VPS13B: variants seen among roughly 807,000 people sequenced by gnomAD.
VPS13B encodes the protein intermembrane lipid transfer protein VPS13B.
In VPS13B, 285 loss-of-function variants were observed where a neutral mutation model predicts 426.4. The ratio of observed to expected loss-of-function variants is 0.67; its 90% CI spans 0.61 to 0.74. The LOEUF (loss-of-function observed/expected upper bound fraction) is 0.74. VPS13B is among the 30% of genes least tolerant of loss of function. The pLI is 0.00. For synonymous variants in VPS13B, 1,676 were observed against 1,676.4 expected, an observed-to-expected ratio of 1.00 and a Z score of 0.01; for missense variants, 4,537 against 4,782.6, an observed-to-expected ratio of 0.95 and a Z score of 1.51.
rs778053753 is a variant in VPS13B at position 99,147,834 on chromosome 8, A to G, written c.1844-7A>G. The G allele has an allele frequency of 2.1e-6, 3 of 1,450,534 alleles. No individual in the cohort carries two copies. The highest frequency in any genetic ancestry group is 3.3e-5 in the South Asian group (2 of 60,558). The allele number at this position is 1,450,534 out of a possible 1,614,324, so 89.9% of individuals were successfully genotyped here. ...TCTTTATTAATTTTTTATCATTTTA[A>G]TTTTAGATATTAAGGATGAAAATGA... On this transcript the variant is annotated splice_polypyrimidine_tract_variant and splice_region_variant and intron_variant, in intron 13 of 61. Coordinates refer to ENST00000357162, the MANE Select transcript of VPS13B (RefSeq NM_152564.5).
chr8:99,187,722 A>G (rs1464012700), intron 16 of VPS13B, among the ~76,000 whole-genome samples: 1 of 152,132 alleles, frequency 6.6e-6, no homozygotes, highest in Non-Finnish European at 1.5e-5. Flanking sequence ...TAATCCCAAC[A>G]CTTTGGGAGG....
chr8:99,068,823 G>A (rs1010603249), intron 3 of VPS13B, among the ~76,000 whole-genome samples: 1 of 152,090 alleles, frequency 6.6e-6, no homozygotes, highest in Non-Finnish European at 1.5e-5. Context: ...CCTCCCACCA[G>A]GTCCCTCATT....
intron 36 of VPS13B, among the ~76,000 whole-genome samples, chr8:99,700,984 GTAAT>G (rs901161751): frequency 6.6e-5 from 10 of 152,136 alleles, no homozygotes; most frequent in Non-Finnish European, 5.9e-5. Flanking sequence ...TTATCAAAAA[GTAAT>G]TAAATTGCAG....
intron 30 of VPS13B, among the ~76,000 whole-genome samples, chr8:99,538,271 T>C (rs1255606266): frequency 3.3e-5 from 5 of 152,212 alleles, no homozygotes; most frequent in African/African-American, 1.2e-4. Flanking sequence ...TTCTTTGTTA[T>C]TCTGAGATCA....
At chr8:99,428,883 A>G (rs529823263) in intron 21 of VPS13B, among the ~76,000 whole-genome samples, 1 of 152,296 alleles carries the variant, frequency 6.6e-6, no homozygotes, top group East Asian at 1.9e-4. Context: ...ACCAACCCAA[A>G]TGTCCAACAA....
At chr8:99,499,559 TAAG>T (rs1338539786) in intron 25 of VPS13B, among the ~76,000 whole-genome samples, 8 of 152,212 alleles carry the variant, frequency 5.3e-5, no homozygotes, top group Non-Finnish European at 1.0e-4. Flanking sequence ...TTTTATTTAA[TAAG>T]CATCCTTATC....
At chr8:99,139,662 C>A (rs542088234) in intron 12 of VPS13B, among the ~76,000 whole-genome samples, 3 of 152,004 alleles carry the variant, frequency 2.0e-5, no homozygotes, top group Non-Finnish European at 4.4e-5. Flanking sequence ...TGGTCTCGAT[C>A]TCCTGACCTC....
At chr8:99,843,086 G>A (rs562939455) in intron 54 of VPS13B, among the ~76,000 whole-genome samples, 5 of 152,142 alleles carry the variant, frequency 3.3e-5, no homozygotes, top group Admixed American at 1.3e-4. Context: ...CCAGGGAGGC[G>A]GAGGTTGCAG....
At chr8:99,300,958 G>A (rs539162886) in intron 19 of VPS13B, among the ~76,000 whole-genome samples, 34 of 149,950 alleles carry the variant, frequency 2.3e-4, no homozygotes, top group Middle Eastern at 3.4e-3. Flanking sequence ...GCATGGTGGC[G>A]TGTGCCTGTA....
At chr8:99,797,534 C>A (rs1204447235) in intron 43 of VPS13B, among the ~76,000 whole-genome samples, 3 of 152,152 alleles carry the variant, frequency 2.0e-5, no homozygotes, top group Non-Finnish European at 4.4e-5. Flanking sequence ...TTAATATACA[C>A]AGAAAAGAGG....
chr8:99,646,869 C>T (rs941039376), intron 34 of VPS13B, among the ~76,000 whole-genome samples: 3 of 152,064 alleles, frequency 2.0e-5, no homozygotes, highest in African/African-American at 2.4e-5. Flanking sequence ...TGCTTTCTGC[C>T]GTGATCATAG....
intron 39 of VPS13B, among the ~76,000 whole-genome samples, chr8:99,723,577 T>C (rs997748105): frequency 6.6e-6 from 1 of 152,002 alleles, no homozygotes; most frequent in Non-Finnish European, 1.5e-5. Flanking sequence ...CAAACTCCTT[T>C]CATCAAGTAG....
Position 99,375,478 on chromosome 8 carries a change from T to TA in VPS13B, c.2825-8729dup, listed in dbSNP as rs1341795512. Among the ~76,000 whole-genome samples, 94 of 152,308 alleles carry TA rather than the reference T, an allele frequency of 6.2e-4. 1 individual carries two copies. Among genetic ancestry groups the TA allele is most frequent in the African/African-American group, 2.2e-3 (91 of 41,572 alleles). ...GAAGTAATGAGCTACCATACGCACA[T>TA]ACCATACATGTATGTATTGTACCAT... On this transcript the variant is annotated intron_variant, in intron 19 of 61. Coordinates refer to ENST00000357162, the MANE Select transcript of VPS13B (RefSeq NM_152564.5).
chr8:99,687,141 T>TCTACAAATG (rs1271897543), intron 35 of VPS13B, among the ~76,000 whole-genome samples: 2 of 152,128 alleles, frequency 1.3e-5, no homozygotes, highest in African/African-American at 4.8e-5. Context: ...CCAAGGTGTG[T>TCTACAAATG]CTACAAATGT....
chr8:99,568,876 A>G (rs1825326750), intron 31 of VPS13B, among the ~76,000 whole-genome samples: 1 of 151,020 alleles, frequency 6.6e-6, no homozygotes, highest in Admixed American at 6.6e-5. Context: ...CAGTGGCGCA[A>G]TTTTGGCTCA....
Position 99,173,891 on chromosome 8 carries a change from A to G in VPS13B, c.2333+3728A>G, listed in dbSNP as rs542388368. On this transcript the variant is annotated intron_variant, in intron 16 of 61. Transcript: ENST00000357162. ...TCCTTCTTGATTCAAGGCTCGATCA[A>G]CTGTACCATTTTGCTTAAAACAATT... is the stretch of plus-strand genomic sequence containing the variant. Among the ~76,000 whole-genome samples the G allele has an allele frequency of 8.3e-4, 127 of 152,342 alleles. No homozygotes were observed. In the Middle Eastern group the frequency reaches 0.01, roughly 12 times the overall value.
intron 2 of VPS13B, among the ~76,000 whole-genome samples, chr8:99,029,486 T>G (rs964499311): frequency 6.6e-6 from 1 of 151,884 alleles, no homozygotes; most frequent in Non-Finnish European, 1.5e-5. Context: ...TGGGCACCAT[T>G]GAGCACTGAG....
At chr8:99,147,804 A>G (rs761308560) in intron 13 of VPS13B, 37 bp from the exon 14 acceptor site, 2 of 1,308,974 alleles carry the variant, frequency 1.5e-6, no homozygotes, top group South Asian at 1.9e-5. Context: ...ATTATTTAAA[A>G]ATATTCTTTA....
chr8:99,192,319 TGAGA>T (rs2132726420), intron 16 of VPS13B, among the ~76,000 whole-genome samples: 2 of 152,346 alleles, frequency 1.3e-5, no homozygotes, highest in African/African-American at 4.8e-5. Flanking sequence ...TAAATACTTC[TGAGA>T]GAAAGTATTA....
Sources: allele counts gnomAD v4.1 joint callset (sites outside exome capture counted in the v4.1 genomes callset), GRCh38; gene constraint gnomAD v4.1.1; transcripts MANE v1.5; gene names NCBI Gene and HGNC (gene_info 2026-07-23, HGNC 2026-07-21).